PRKN: variants seen among roughly 807,000 people sequenced by gnomAD.
PRKN encodes parkin RBR E3 ubiquitin protein ligase, also known as E3 ubiquitin-protein ligase parkin.
In PRKN, 56 loss-of-function variants were observed where a neutral mutation model predicts 59.5. The observed-to-expected ratio is 0.94, with a 90% CI of 0.76 to 1.18. PRKN has a LOEUF of 1.18. Among genes scored for constraint, PRKN ranks in the 50% most tolerant of loss-of-function variants. The pLI is 0.00. For synonymous variants in PRKN, 250 were observed against 222.1 expected, an observed-to-expected ratio of 1.13 and a Z score of -1.12; for missense variants, 657 against 596.4, an observed-to-expected ratio of 1.10 and a Z score of -1.06.
chr6:162,517,066 A>G (rs2128192319), intron 1 of PRKN, among the ~76,000 whole-genome samples: 1 of 152,210 alleles, frequency 6.6e-6, no homozygotes, highest in South Asian at 2.1e-4. Context: ...GATGGAGGGG[A>G]TGCCAAGGAG....
chr6:161,799,834 T>C (rs1380160507), intron 6 of PRKN, among the ~76,000 whole-genome samples: 1 of 152,186 alleles, frequency 6.6e-6, no homozygotes, highest in African/African-American at 2.4e-5. Flanking sequence ...TGACAAGCCA[T>C]GTGCAGGTCT....
At chr6:161,897,847 G>A (rs944463989) in intron 6 of PRKN, among the ~76,000 whole-genome samples, 4 of 150,232 alleles carry the variant, frequency 2.7e-5, no homozygotes, top group East Asian at 3.9e-4. Context: ...GGCGCCTGTA[G>A]TCCCAGCTAC....
chr6:161,832,034 C>T (rs1039416611), intron 6 of PRKN, among the ~76,000 whole-genome samples: 1 of 152,174 alleles, frequency 6.6e-6, no homozygotes, highest in African/African-American at 2.4e-5. Flanking sequence ...AAGTTTCTCC[C>T]ATGTAGGATT....
At chr6:161,870,231 T>C (rs558505689) in intron 6 of PRKN, among the ~76,000 whole-genome samples, 1 of 152,052 alleles carries the variant, frequency 6.6e-6, no homozygotes, top group South Asian at 2.1e-4. Context: ...GTGCCTACAA[T>C]TGGGAAGAAA....
chr6:162,618,664 A>G (rs1782529527), intron 1 of PRKN, among the ~76,000 whole-genome samples: 1 of 152,210 alleles, frequency 6.6e-6, no homozygotes, highest in South Asian at 2.1e-4. Context: ...GCTACAGCAT[A>G]ACAAATGAAA....
At chr6:161,928,288 C>T (rs1318375472) in intron 6 of PRKN, among the ~76,000 whole-genome samples, 2 of 152,072 alleles carry the variant, frequency 1.3e-5, no homozygotes, top group African/African-American at 4.8e-5. Flanking sequence ...TGGATAATGA[C>T]ACTTATTATT....
In PRKN at chr6:161,800,300, T is replaced by C. The variant is rs76616033; in HGVS notation, c.735-14392A>G. ...TGATGTCTCCTACCTAGCTTTGCTT[T>C]CCTACTACCATTTGCAGATTTCTCG... On this transcript the variant is annotated intron_variant, in intron 6 of 11. Transcript: ENST00000366898. 9.6e-3 allele frequency among the ~76,000 whole-genome samples: 1,465 copies of C among 152,274 alleles called. 21 individuals are homozygous for C. The highest frequency in any genetic ancestry group is 0.034 in the African/African-American group (1,400 of 41,540).
chr6:161,763,458 C>T (rs549935103), intron 7 of PRKN, among the ~76,000 whole-genome samples: 4 of 152,002 alleles, frequency 2.6e-5, no homozygotes, highest in East Asian at 2.0e-4. Context: ...TTCCTGTCAA[C>T]CAGATGAGCC....
chr6:162,703,270 C>T (rs763801299), intron 1 of PRKN, among the ~76,000 whole-genome samples: 1 of 152,108 alleles, frequency 6.6e-6, no homozygotes, highest in African/African-American at 2.4e-5. Context: ...AATACAATGA[C>T]GTAAATCTCC....
chr6:162,141,527 T>C (rs1781781042), intron 4 of PRKN, among the ~76,000 whole-genome samples: 1 of 152,206 alleles, frequency 6.6e-6, no homozygotes. Flanking sequence ...AATTAACCAT[T>C]TAAATTTCAA....
intron 5 of PRKN, among the ~76,000 whole-genome samples, chr6:161,981,394 T>C (rs1371380306): frequency 1.3e-5 from 2 of 152,134 alleles, no homozygotes; most frequent in Non-Finnish European, 2.9e-5. Flanking sequence ...AGTTAAAACA[T>C]GTCAGCTGGG....
intron 1 of PRKN, among the ~76,000 whole-genome samples, chr6:162,637,532 C>T (rs1214806521): frequency 2.6e-5 from 4 of 152,114 alleles, no homozygotes; most frequent in Admixed American, 2.6e-4. Flanking sequence ...GGAAGCAGGG[C>T]TCGACTTTGA....
intron 2 of PRKN, among the ~76,000 whole-genome samples, chr6:162,369,328 C>T (rs150224278): frequency 8.0e-4 from 122 of 152,190 alleles, no homozygotes; most frequent in African/African-American, 2.8e-3. Flanking sequence ...GGTGCTGTGC[C>T]GTCTCTAGCT....
intron 6 of PRKN, among the ~76,000 whole-genome samples, chr6:161,970,540 C>CT (rs905009182): frequency 4.3e-4 from 63 of 146,696 alleles, no homozygotes; most frequent in Non-Finnish European, 5.0e-4. Context: ...ACTTCTAACA[C>CT]TTTTTTTTTT....
At position 161,554,734 on chromosome 6, in the gene PRKN, G is replaced by GTGTATATA. The variant is rs1452353963; in HGVS notation, c.934-5732_934-5731insTATATACA. ...GGATTGTGTGTGTGTGTGTGTGTGT[G>GTGTATATA]TATATATATATATATATATACATAC... On this transcript the variant is annotated intron_variant, in intron 8 of 11. Transcript: ENST00000366898. The surrounding 1 kb of genome is among the most constrained non-coding windows in gnomAD (Gnocchi z 4.5). Among the ~76,000 whole-genome samples, 8 of 140,956 alleles carry GTGTATATA rather than the reference G, an allele frequency of 5.7e-5. No homozygotes were observed. Among genetic ancestry groups the GTGTATATA allele is most frequent in the African/African-American group, 1.6e-4 (6 of 37,712 alleles). The allele number at this position is 140,956 out of a possible 152,430, so 92.5% of individuals were successfully genotyped here.
At chr6:161,735,657 C>T (rs1311300942) in intron 7 of PRKN, among the ~76,000 whole-genome samples, 1 of 152,058 alleles carries the variant, frequency 6.6e-6, no homozygotes, top group African/African-American at 2.4e-5. Flanking sequence ...TGGCTCACGC[C>T]TGTAATCCCA....
At chr6:162,430,040 T>A (rs1037942433) in intron 2 of PRKN, among the ~76,000 whole-genome samples, 9 of 152,124 alleles carry the variant, frequency 5.9e-5, no homozygotes, top group Admixed American at 2.0e-4. Context: ...AAATCAGAAA[T>A]CTTCTGTTCA....
At position 161,584,806 on chromosome 6, in the gene PRKN, C is replaced by T. The variant is rs921146662; in HGVS notation, c.872-15390G>A. Among the ~76,000 whole-genome samples the T allele has an allele frequency of 6.6e-6, 1 of 152,068 alleles. No individual in the cohort carries two copies. The highest frequency in any genetic ancestry group is 1.5e-5 in the Non-Finnish European group (1 of 68,006). ...TTGAAAATGTGCTCAGTAACAATTG[C>T]GGGATGAGTCTCTGTGCAGCGATTT... On this transcript the variant is annotated intron_variant, in intron 7 of 11. Coordinates refer to ENST00000366898, the MANE Select transcript of PRKN (RefSeq NM_004562.3). The surrounding 1 kb of genome is among the most constrained non-coding windows in gnomAD (Gnocchi z 4.8).
rs1240694029 is a variant in PRKN, at chr6:161,419,921, T to A, written c.1084-33044A>T. Among the ~76,000 whole-genome samples the A allele has an allele frequency of 6.6e-6, 1 of 152,022 alleles. No individual in the cohort carries two copies. Among genetic ancestry groups the A allele is most frequent in the South Asian group, 2.1e-4 (1 of 4,826 alleles). On this transcript the variant is annotated intron_variant, in intron 9 of 11. Coordinates refer to ENST00000366898, the MANE Select transcript of PRKN (RefSeq NM_004562.3). This position sits in a 1 kb window ranked among gnomAD's most constrained non-coding sequence, Gnocchi z 4.1. Reference sequence around the variant, plus strand: ...TTAAGAAAGTTCCTAGCACTGCGCCTGGCACGTAAAAGGCACTTGTTTAAG... The same window carrying A: ...TTAAGAAAGTTCCTAGCACTGCGCCAGGCACGTAAAAGGCACTTGTTTAAG...
Sources: gnomAD v4.1 joint callset for allele counts (sites outside exome capture counted in the v4.1 genomes callset) on GRCh38, gnomAD v4.1.1 for gene constraint, Gnocchi (gnomAD v3.1) non-coding constraint, MANE v1.5 for transcripts, NCBI Gene and HGNC (gene_info 2026-07-23, HGNC 2026-07-21) for gene names.